PCDHB12: variants seen among roughly 807,000 people sequenced by gnomAD.
The protein encoded by PCDHB12 is protocadherin beta-12.
For synonymous variants in PCDHB12, 560 were observed against 445.2 expected (o/e 1.26, Z -3.24); for missense variants, 1,192 against 998.2 (o/e 1.19, Z -2.62).
chr5:141,210,821 C>T lies in PCDHB12; in HGVS notation c.1914C>T (p.His638=), dbSNP rs551224347. ...TGAGCGAGCGCGACGCGGCCAAGCA[C>T]AGGCTGGTGGTGCTGGTCAAGGACA... ...RLLSERDAAK[H]RLVVLVKDNG... The change falls in exon 1 of 1, where the codon CAC becomes CAT. Residue 638 remains histidine (H), a synonymous_variant. Transcript: ENST00000239450. 14 of 1,600,910 alleles carry T rather than the reference C, an allele frequency of 8.7e-6. No individual in the cohort carries two copies. Among genetic ancestry groups the T allele is most frequent in the Non-Finnish European group, 1.2e-5 (14 of 1,178,534 alleles).
Position 141,211,436 on chromosome 5 carries a change from G to T in PCDHB12, c.*141G>T, listed in dbSNP as rs782186977. 1.8e-5 allele frequency: 17 copies of T among 932,152 alleles called. No individual in the cohort carries two copies. In the South Asian group the frequency reaches 2.4e-4, roughly 13 times the overall value. 57.7% of individuals were successfully genotyped at this position (932,152 alleles called of 1,614,324 possible). On this transcript the variant is annotated 3_prime_UTR_variant, in exon 1 of 1. Coordinates refer to ENST00000239450, the MANE Select transcript of PCDHB12 (RefSeq NM_018932.4). ...GAAATAAATTTCTTTACATAGAAAAGGATACAGATTTAGTACCAAGAACAC... is the reference window on the plus strand; with the variant it reads ...GAAATAAATTTCTTTACATAGAAAATGATACAGATTTAGTACCAAGAACAC...
Position 141,211,402 on chromosome 5 carries a change from T to G in PCDHB12, c.*107T>G. 9.0e-7 allele frequency: 1 copy of G among 1,106,100 alleles called. No individual in the cohort carries two copies. The highest frequency in any genetic ancestry group is 1.3e-6 in the Non-Finnish European group (1 of 753,468). 68.5% of individuals were successfully genotyped at this position (1,106,100 alleles called of 1,614,324 possible). On this transcript the variant is annotated 3_prime_UTR_variant, in exon 1 of 1. Transcript: ENST00000239450. ...TTTGATCACTTCAAATACATACTCT[T>G]CAAGTCAAGAAATAAATTTCTTTAC...
Position 141,209,000 on chromosome 5 carries a change from G to T in PCDHB12, c.93G>T (p.Gly31=). The T allele has an allele frequency of 1.2e-6, 2 of 1,604,508 alleles. No individual in the cohort carries two copies. The highest frequency in any genetic ancestry group is 1.7e-6 in the Non-Finnish European group (2 of 1,176,330). The change falls in exon 1 of 1, where the codon GGG becomes GGT. Residue 31 remains glycine (G), a synonymous_variant. Coordinates refer to ENST00000239450, the MANE Select transcript of PCDHB12 (RefSeq NM_018932.4). The part of the protein sequence containing the change: ...LGMSQAGSET[G]NFLVMEELQS... Reference sequence around the variant, plus strand: ...TGTCTCAGGCGGGCTCTGAAACTGGGAACTTTTTGGTGATGGAGGAATTGC... The same window carrying T: ...TGTCTCAGGCGGGCTCTGAAACTGGTAACTTTTTGGTGATGGAGGAATTGC...
At position 141,212,040 on chromosome 5, in the gene PCDHB12, CT is replaced by C. The variant is rs1554287303; in HGVS notation, c.*747del. The C allele has an allele frequency of 1.2e-5, 2 of 167,002 alleles. No homozygotes were observed. Among genetic ancestry groups the C allele is most frequent in the African/African-American group, 4.8e-5 (2 of 41,422 alleles). The allele number at this position is 167,002 out of a possible 1,614,324, so 10.3% of individuals were successfully genotyped here. On this transcript the variant is annotated 3_prime_UTR_variant, in exon 1 of 1. Transcript: ENST00000239450. Reference sequence around the variant, plus strand: ...TTTCATTTTCTTATAAACCAGTAATCTTGCTTTTCTGGGTAAATTTTCAGCT... The same window carrying C: ...TTTCATTTTCTTATAAACCAGTAATCTGCTTTTCTGGGTAAATTTTCAGCT...
rs1554286797 is a variant in PCDHB12, at chr5:141,210,060, A to G, written c.1153A>G (p.Ile385Val). ...SGDNGKMVCSIPEDIPFVLKS... is the reference protein window; with the variant it reads ...SGDNGKMVCSVPEDIPFVLKS... ...GGACAACGGAAAGATGGTTTGTTCTATCCCGGAGGACATCCCATTCGTGCT... is the reference window on the plus strand; with the variant it reads ...GGACAACGGAAAGATGGTTTGTTCTGTCCCGGAGGACATCCCATTCGTGCT... Residue 385 changes from isoleucine (I) to valine (V), a missense_variant, in exon 1 of 1, where the codon ATC (isoleucine) becomes GTC (valine). Ile to Val is a conservative substitution (Grantham distance 29). Transcript: ENST00000239450. 1 of 1,614,086 alleles carries G rather than the reference A, an allele frequency of 6.2e-7. No individual in the cohort carries two copies. The highest frequency in any genetic ancestry group is 8.5e-7 in the Non-Finnish European group (1 of 1,180,044).
chr5:141,210,329 C>T lies in PCDHB12; in HGVS notation c.1422C>T (p.Ser474=), dbSNP rs781785471. 3 of 1,613,168 alleles carry T rather than the reference C, an allele frequency of 1.9e-6. No individual in the cohort carries two copies. Among genetic ancestry groups the T allele is most frequent in the Non-Finnish European group, 2.5e-6 (3 of 1,180,056 alleles). The part of the protein sequence containing the change: ...NSPALHIGSI[S]ATDRDSGTNA... ...CCGCCCTGCACATCGGCAGCATCAGCGCCACAGACAGAGACTCGGGCACCA... is the reference window on the plus strand; with the variant it reads ...CCGCCCTGCACATCGGCAGCATCAGTGCCACAGACAGAGACTCGGGCACCA... The change falls in exon 1 of 1, where the codon AGC becomes AGT. Residue 474 remains serine (S), a synonymous_variant. Transcript: ENST00000239450.
Position 141,209,695 on chromosome 5 carries a change from C to T in PCDHB12, c.788C>T (p.Thr263Ile). 6.2e-7 allele frequency: 1 copy of T among 1,614,210 alleles called. No homozygotes were observed. The highest frequency in any genetic ancestry group is 1.3e-5 in the African/African-American group (1 of 75,050). Residue 263 changes from threonine (T) to isoleucine (I), a missense_variant, in exon 1 of 1, where the codon ACC becomes ATC. By Grantham distance (89) the Thr-to-Ile change is moderately conservative. Coordinates refer to ENST00000239450, the MANE Select transcript of PCDHB12 (RefSeq NM_018932.4). The part of the protein sequence containing the change: ...ENSILGSLVV[T>I]VSAWDLDSGT... ...AGCATCCTTGGCTCCCTGGTTGTGA[C>T]CGTCTCAGCCTGGGATTTAGACTCT...
In PCDHB12 at chr5:141,211,042, G is replaced by T; in HGVS notation, c.2135G>T (p.Arg712Leu). 1 of 1,612,802 alleles carries T rather than the reference G, an allele frequency of 6.2e-7. No homozygotes were observed. Among genetic ancestry groups the T allele is most frequent in the South Asian group, 1.1e-5 (1 of 91,036 alleles). Residue 712 changes from arginine to leucine, a missense_variant, in exon 1 of 1, where the codon CGG (arginine) becomes CTG (leucine). Arg to Leu is a moderately radical substitution (Grantham distance 102). Coordinates refer to ENST00000239450, the MANE Select transcript of PCDHB12 (RefSeq NM_018932.4). ...TCGGTGCTCCTGTTCGTGGCGGTGC[G>T]GCTGTGCAGGAGGAGCAGGGCGGCC... ...LFSVLLFVAV[R>L]LCRRSRAAPV...
At position 141,209,308 on chromosome 5, in the gene PCDHB12, T is replaced by A. The variant is rs1368723176; in HGVS notation, c.401T>A (p.Leu134Ter). The A allele has an allele frequency of 6.2e-7, 1 of 1,614,048 alleles. No homozygotes were observed. Among genetic ancestry groups the A allele is most frequent in the Non-Finnish European group, 8.5e-7 (1 of 1,180,036 alleles). ...RDINDHSPVF[L>*]EKEMLLEIPE... ...ATAAATGATCACTCTCCCGTCTTCTTGGAAAAAGAAATGCTCTTAGAAATC... is the reference window on the plus strand; with the variant it reads ...ATAAATGATCACTCTCCCGTCTTCTAGGAAAAAGAAATGCTCTTAGAAATC... Residue 134 changes from leucine to a stop codon, truncating the protein, a stop_gained, in exon 1 of 1, where the codon TTG becomes TAG. Transcript: ENST00000239450. LOFTEE classifies it low-confidence loss of function (END_TRUNC).
chr5:141,212,368 A>T lies in PCDHB12; in HGVS notation c.*1073A>T, dbSNP rs1754479069. ...TGCTGAATCAGGAAAATTTAAGAAA[A>T]AGAATAGATTTAAATGTGTAATATC... On this transcript the variant is annotated 3_prime_UTR_variant, in exon 1 of 1. Coordinates refer to ENST00000239450, the MANE Select transcript of PCDHB12 (RefSeq NM_018932.4). 1 of 154,020 alleles carries T rather than the reference A, an allele frequency of 6.5e-6. No individual in the cohort carries two copies. The highest frequency in any genetic ancestry group is 1.5e-5 in the Non-Finnish European group (1 of 68,008). 9.5% of individuals were successfully genotyped at this position (154,020 alleles called of 1,614,324 possible).
At position 141,210,233 on chromosome 5, in the gene PCDHB12, C is replaced by T. The variant is rs782626769; in HGVS notation, c.1326C>T (p.Ser442=). ...KTEHNITVLV[S]DVNDNAPAFT... ...AGCACAACATAACCGTGCTGGTCTC[C>T]GACGTCAATGACAACGCCCCCGCCT... Residue 442 remains serine (S), a synonymous_variant, in exon 1 of 1, where the codon TCC becomes TCT. Coordinates refer to ENST00000239450, the MANE Select transcript of PCDHB12 (RefSeq NM_018932.4). 46 of 1,614,026 alleles carry T rather than the reference C, an allele frequency of 2.9e-5. No individual in the cohort carries two copies. Among genetic ancestry groups the T allele is most frequent in the Non-Finnish European group, 3.2e-5 (38 of 1,180,000 alleles).
In PCDHB12 at chr5:141,209,952, G is replaced by A; in HGVS notation, c.1045G>A (p.Val349Met). 4 of 1,614,176 alleles carry A rather than the reference G, an allele frequency of 2.5e-6. No individual in the cohort carries two copies. The highest frequency in any genetic ancestry group is 1.3e-5 in the African/African-American group (1 of 75,034). ...AAACGACAACGCTCCTGAAATCACT[G>A]TGTCATCAATTACCAGTCCAATCCC... is the stretch of plus-strand genomic sequence containing the variant. ...DVNDNAPEITVSSITSPIPEN... is the reference protein window; with the variant it reads ...DVNDNAPEITMSSITSPIPEN... The change falls in exon 1 of 1, where the codon GTG becomes ATG. Residue 349 changes from valine (V) to methionine (M), a missense_variant. Physicochemically the swap from Val to Met is conservative, Grantham distance 21 (BLOSUM62 1). Transcript: ENST00000239450.
At position 141,209,961 on chromosome 5, in the gene PCDHB12, A is replaced by G. The variant is rs782669771; in HGVS notation, c.1054A>G (p.Ile352Val). Residue 352 changes from isoleucine to valine, a missense_variant, in exon 1 of 1, where the codon ATT (isoleucine) becomes GTT (valine). By Grantham distance (29) the Ile-to-Val change is conservative (BLOSUM62 3). Transcript: ENST00000239450. ...DNAPEITVSS[I>V]TSPIPENTPE... ...CGCTCCTGAAATCACTGTGTCATCA[A>G]TTACCAGTCCAATCCCAGAAAACAC... The G allele has an allele frequency of 3.7e-6, 6 of 1,614,078 alleles. No homozygotes were observed. Among genetic ancestry groups the G allele is most frequent in the Admixed American group, 1.7e-5 (1 of 60,002 alleles).
Position 141,211,194 on chromosome 5 carries a change from A to G in PCDHB12, c.2287A>G (p.Lys763Glu), listed in dbSNP as rs2910006. Residue 763 changes from lysine to glutamate, a missense_variant, in exon 1 of 1, where the codon AAG becomes GAG. Physicochemically the swap from Lys to Glu is moderately conservative, Grantham distance 56 (BLOSUM62 1). Transcript: ENST00000239450. ...VCVTGGSRSNKFKFLKPIIPN... is the reference protein window; with the variant it reads ...VCVTGGSRSNEFKFLKPIIPN... ...TGTGACTGGAGGCTCCAGGTCAAAT[A>G]AGTTCAAATTTCTGAAACCAATTAT... 0.36 allele frequency: 584,652 copies of G among 1,613,718 alleles called. 112,290 individuals carry two copies. Among genetic ancestry groups the G allele is most frequent in the African/African-American group, 0.7 (52,108 of 74,910 alleles).
chr5:141,209,975 C>A lies in PCDHB12; in HGVS notation c.1068C>A (p.Ile356=). The change falls in exon 1 of 1, where the codon ATC becomes ATA. Residue 356 remains isoleucine, a synonymous_variant. Coordinates refer to ENST00000239450, the MANE Select transcript of PCDHB12 (RefSeq NM_018932.4). ...EITVSSITSP[I]PENTPETVVM... is the part of the protein sequence containing the mutation. Reference sequence around the variant, plus strand: ...CTGTGTCATCAATTACCAGTCCAATCCCAGAAAACACTCCAGAGACTGTGG... The same window carrying A: ...CTGTGTCATCAATTACCAGTCCAATACCAGAAAACACTCCAGAGACTGTGG... 6.2e-7 allele frequency: 1 copy of A among 1,614,128 alleles called. No individual in the cohort carries two copies. The highest frequency in any genetic ancestry group is 1.3e-5 in the African/African-American group (1 of 75,028).
In PCDHB12 at chr5:141,211,052, G is replaced by C. The variant is rs1554287129; in HGVS notation, c.2145G>C (p.Arg715Ser). Residue 715 changes from arginine to serine, a missense_variant, in exon 1 of 1, where the codon AGG becomes AGC. By Grantham distance (110) the Arg-to-Ser change is moderately radical (BLOSUM62 -1). Transcript: ENST00000239450. Reference sequence around the variant, plus strand: ...TGTTCGTGGCGGTGCGGCTGTGCAGGAGGAGCAGGGCGGCCCCGGTCGGTC... The same window carrying C: ...TGTTCGTGGCGGTGCGGCTGTGCAGCAGGAGCAGGGCGGCCCCGGTCGGTC... The part of the protein sequence containing the change: ...VLLFVAVRLC[R>S]RSRAAPVGRC... 1 of 1,613,074 alleles carries C rather than the reference G, an allele frequency of 6.2e-7. No individual in the cohort carries two copies. Among genetic ancestry groups the C allele is most frequent in the Admixed American group, 1.7e-5 (1 of 60,030 alleles).
rs532469068 is a variant in PCDHB12 at position 141,210,742 on chromosome 5, C to T, written c.1835C>T (p.Pro612Leu). 1.8e-5 allele frequency: 29 copies of T among 1,604,934 alleles called. No individual in the cohort carries two copies. Among genetic ancestry groups the T allele is most frequent in the Non-Finnish European group, 2.3e-5 (27 of 1,178,846 alleles). The change falls in exon 1 of 1, where the codon CCC becomes CTC. Residue 612 changes from proline to leucine, a missense_variant. Physicochemically the swap from Pro to Leu is moderately conservative, Grantham distance 98. Transcript: ENST00000239450. ...TACCAGCTGCTCAAGGCCACGGAGC[C>T]CGGGCTATTCGGCGTGTGGGCGCAC... is the stretch of plus-strand genomic sequence containing the variant. Reference protein sequence around the residue: ...LSYQLLKATEPGLFGVWAHNG... With the variant: ...LSYQLLKATELGLFGVWAHNG...
rs782573902 is a variant in PCDHB12, at chr5:141,211,159, A to C, written c.2252A>C (p.Tyr751Ser). Residue 751 changes from tyrosine (Y) to serine (S), a missense_variant, in exon 1 of 1, where the codon TAT (tyrosine) becomes TCT (serine). Coordinates refer to ENST00000239450, the MANE Select transcript of PCDHB12 (RefSeq NM_018932.4). ...GTGTLSQSYHYEVCVTGGSRS... is the reference protein window; with the variant it reads ...GTGTLSQSYHSEVCVTGGSRS... ...GGGACCCTGTCCCAGAGCTACCACTATGAGGTGTGTGTGACTGGAGGCTCC... is the reference window on the plus strand; with the variant it reads ...GGGACCCTGTCCCAGAGCTACCACTCTGAGGTGTGTGTGACTGGAGGCTCC... The C allele has an allele frequency of 3.7e-6, 6 of 1,614,134 alleles. No individual in the cohort carries two copies. The highest frequency in any genetic ancestry group is 5.1e-6 in the Non-Finnish European group (6 of 1,179,998).
At position 141,210,190 on chromosome 5, in the gene PCDHB12, C is replaced by A. The variant is rs782532062; in HGVS notation, c.1283C>A (p.Thr428Asn). 6.8e-6 allele frequency: 11 copies of A among 1,614,100 alleles called. No homozygotes were observed. In the Admixed American group the frequency reaches 1.2e-4, roughly 17 times the overall value. Residue 428 changes from threonine to asparagine, a missense_variant, in exon 1 of 1, where the codon ACC becomes AAC. Physicochemically the swap from Thr to Asn is moderately conservative, Grantham distance 65. Coordinates refer to ENST00000239450, the MANE Select transcript of PCDHB12 (RefSeq NM_018932.4). ...NITITVTDLG[T>N]PRLKTEHNIT... is the part of the protein sequence containing the mutation. ...ACCATCACCGTCACCGACTTGGGGACCCCCAGGCTAAAAACCGAGCACAAC... is the reference window on the plus strand; with the variant it reads ...ACCATCACCGTCACCGACTTGGGGAACCCCAGGCTAAAAACCGAGCACAAC...
Sources: gnomAD v4.1 joint callset for allele counts on GRCh38, gnomAD v4.1.1 for gene constraint, MANE v1.5 for transcripts, NCBI Gene and HGNC (gene_info 2026-07-23, HGNC 2026-07-21) for gene names.